Variants in GARIN1A observed in about 807,000 individuals in gnomAD.
The protein encoded by GARIN1A is Golgi-associated RAB2 interactor protein 1A.
At chr7:128,682,984 A>G in the GARIN1A span, 1 of 1,606,322 alleles carries the variant, frequency 6.2e-7, no homozygotes. Context: ...ACTGCCATTG[A>G]AATAGACAAC....
the GARIN1A span, among the ~76,000 whole-genome samples, chr7:128,708,671 T>G: frequency 2.0e-5 from 3 of 152,322 alleles, no homozygotes; most frequent in African/African-American, 7.2e-5. Flanking sequence ...TAATTAGCAT[T>G]CTTTATTATC....
the GARIN1A span, chr7:128,685,691 C>T: frequency 1.3e-5 from 2 of 152,230 alleles, no homozygotes; most frequent in Admixed American, 1.3e-4. Flanking sequence ...AGAAGCTGAA[C>T]TTAGAAAAGA....
At chr7:128,677,728 G>T in the GARIN1A span, 154 of 1,613,770 alleles carry the variant, frequency 9.5e-5, 2 homozygotes, top group African/African-American at 1.9e-3. Flanking sequence ...CTGCAGAAAG[G>T]CCTGTCCATC....
chr7:128,683,158 G>C, the GARIN1A span: 1 of 1,604,902 alleles, frequency 6.2e-7, no homozygotes, highest in Non-Finnish European at 8.5e-7. Flanking sequence ...TTGGGAGCCT[G>C]ACACCTAGGC....
At chr7:128,677,647 T>C in the GARIN1A span, 4 of 1,613,622 alleles carry the variant, frequency 2.5e-6, no homozygotes, top group Non-Finnish European at 3.4e-6. Context: ...ACCGAAAAGA[T>C]CTACTATCTG....
At chr7:128,707,898 G>C in the GARIN1A span, among the ~76,000 whole-genome samples, 1 of 149,728 alleles carries the variant, frequency 6.7e-6, no homozygotes, top group African/African-American at 2.5e-5. Flanking sequence ...TTCCTTTCTT[G>C]CTTTTTCTTC....
chr7:128,705,266 C>T, the GARIN1A span, among the ~76,000 whole-genome samples: 1 of 152,188 alleles, frequency 6.6e-6, no homozygotes, highest in Admixed American at 6.5e-5. Flanking sequence ...ATCCCCCAAT[C>T]GGGAACAGTT....
At chr7:128,686,991 A>G in the GARIN1A span, 7 of 152,214 alleles carry the variant, frequency 4.6e-5, 1 homozygote, top group Admixed American at 1.3e-4. Flanking sequence ...CACTGCTGCC[A>G]TAGAATCTTA....
chr7:128,680,052 TC>T, the GARIN1A span: 5 of 1,569,084 alleles, frequency 3.2e-6, no homozygotes, highest in East Asian at 4.7e-5. Flanking sequence ...CCTCCTGTCA[TC>T]CCCCCAGCCC....
At chr7:128,703,909 G>C in the GARIN1A span, among the ~76,000 whole-genome samples, 3 of 152,170 alleles carry the variant, frequency 2.0e-5, no homozygotes, top group Non-Finnish European at 4.4e-5. Flanking sequence ...GAGGTGACTC[G>C]ACGTTGGAGG....
At chr7:128,701,264 C>T in the GARIN1A span, among the ~76,000 whole-genome samples, 2 of 145,090 alleles carry the variant, frequency 1.4e-5, no homozygotes, top group Non-Finnish European at 3.0e-5. Flanking sequence ...GAAAATAGCA[C>T]TCAGGCAAAA....
At chr7:128,677,475 C>G in the GARIN1A span, 35 of 1,391,046 alleles carry the variant, frequency 2.5e-5, no homozygotes, top group Admixed American at 1.2e-4. Context: ...CCACTGCACT[C>G]TAGCCTCGGC....
chr7:128,707,974 C>T, the GARIN1A span, among the ~76,000 whole-genome samples: 5 of 148,368 alleles, frequency 3.4e-5, no homozygotes, highest in Non-Finnish European at 7.4e-5. Flanking sequence ...TCCTTTATTT[C>T]TCTCTCTCTC....
At chr7:128,688,917 C>G in the GARIN1A span, among the ~76,000 whole-genome samples, 1 of 151,292 alleles carries the variant, frequency 6.6e-6, no homozygotes, top group South Asian at 2.1e-4. Context: ...TCTCCTGCCT[C>G]AGCCTGCCGA....
At chr7:128,708,321 C>T in the GARIN1A span, among the ~76,000 whole-genome samples, 5 of 151,964 alleles carry the variant, frequency 3.3e-5, no homozygotes, top group Non-Finnish European at 5.9e-5. Context: ...GTCATTGCAC[C>T]GGGCCAATTT....
chr7:128,672,601 T>G, the GARIN1A span: 2 of 1,234,314 alleles, frequency 1.6e-6, no homozygotes, highest in Non-Finnish European at 2.1e-6. Context: ...CAAAACCTGT[T>G]CCTAGGGGTT....
At chr7:128,691,189 A>G in the GARIN1A span, 1 of 152,234 alleles carries the variant, frequency 6.6e-6, no homozygotes, top group Non-Finnish European at 1.5e-5. Context: ...GGGGAAGGGA[A>G]AAAAGGTGAA....
the GARIN1A span, among the ~76,000 whole-genome samples, chr7:128,672,706 G>A: frequency 1.4e-4 from 21 of 152,174 alleles, no homozygotes; most frequent in Admixed American, 2.6e-4. Context: ...GAAGGTCTGG[G>A]TCCCAAGTTC....
the GARIN1A span, among the ~76,000 whole-genome samples, chr7:128,671,855 A>G: frequency 6.6e-6 from 1 of 151,836 alleles, no homozygotes; most frequent in African/African-American, 2.4e-5. Context: ...AAAAAAAAAA[A>G]ATCTCCTTTT....
Sources: gnomAD v4.1 joint callset for allele counts (sites outside exome capture counted in the v4.1 genomes callset) on GRCh38, gnomAD v4.1.1 for gene constraint, MANE v1.5 for transcripts, NCBI Gene and HGNC (gene_info 2026-07-23, HGNC 2026-07-21) for gene names.